Variants in USP28 observed in about 807,000 individuals in gnomAD.
USP28 encodes the protein ubiquitin specific peptidase 28, also known as ubiquitin carboxyl-terminal hydrolase 28.
Under a neutral mutation model 145.0 loss-of-function variants are expected in USP28, and 113 were observed. The ratio of observed to expected loss-of-function variants is 0.78; its 90% CI spans 0.67 to 0.91. The LOEUF (loss-of-function observed/expected upper bound fraction) is 0.91. USP28 is among the 40% of genes least tolerant of loss of function. The pLI is 0.00. For missense variants in USP28, 1,201 were observed against 1,289.6 expected (o/e 0.93, Z 1.05); for synonymous variants, 447 against 450.9 (o/e 0.99, Z 0.11).
At chr11:113,832,108 T>C (rs1379097208) in intron 7 of USP28, 115 bp from the exon 8 acceptor site, 2 of 929,952 alleles carry the variant, frequency 2.2e-6, no homozygotes, top group African/African-American at 1.7e-5. Context: ...ATTTCTTTTT[T>C]TCTTTTCTTT....
intron 1 of USP28, chr11:113,874,423 GAAAAAAAAAAAA>G (rs778295743): frequency 2.2e-4 from 92 of 414,066 alleles, no homozygotes; most frequent in South Asian, 2.9e-4. Context: ...AGACTCTGTC[GAAAAAAAAAAAA>G]AAAAAAAAAA....
intron 5 of USP28, among the ~76,000 whole-genome samples, chr11:113,838,810 C>T (rs938544424): frequency 1.3e-5 from 2 of 152,210 alleles, no homozygotes; most frequent in African/African-American, 4.8e-5. Flanking sequence ...TTGTTTTAGT[C>T]ACTGCTGTTT....
At chr11:113,800,080 A>G (rs1358849271) in intron 24 of USP28, among the ~76,000 whole-genome samples, 1 of 150,870 alleles carries the variant, frequency 6.6e-6, no homozygotes, top group East Asian at 1.9e-4. Flanking sequence ...ATCTTTGCTC[A>G]CTGCAAGCTC....
At chr11:113,831,178 A>C (rs754917697) in intron 8 of USP28, among the ~76,000 whole-genome samples, 3 of 152,234 alleles carry the variant, frequency 2.0e-5, no homozygotes, top group Admixed American at 6.5e-5. Context: ...CCTGGACTTA[A>C]GGAGCTTAAA....
intron 24 of USP28, among the ~76,000 whole-genome samples, chr11:113,800,841 ATT>A (rs537961894): frequency 2.8e-4 from 38 of 134,282 alleles, no homozygotes; most frequent in Admixed American, 4.5e-4. Context: ...ACTCTGCATG[ATT>A]TTTTTTTTTT....
chr11:113,857,021 T>C (rs1416457733), intron 1 of USP28, among the ~76,000 whole-genome samples: 1 of 152,224 alleles, frequency 6.6e-6, no homozygotes, highest in East Asian at 1.9e-4. Flanking sequence ...AGGTAAATAT[T>C]ACATTTGACT....
At chr11:113,830,338 G>C (rs1381367191) in intron 9 of USP28, among the ~76,000 whole-genome samples, 1 of 152,146 alleles carries the variant, frequency 6.6e-6, no homozygotes, top group African/African-American at 2.4e-5. Context: ...TGGTAAGAGT[G>C]GGGTGAGATG....
At chr11:113,813,641 C>A in intron 15 of USP28, 1 of 465,782 alleles carries the variant, frequency 2.1e-6, no homozygotes, top group Non-Finnish European at 3.7e-6. Flanking sequence ...AACCTTTCTA[C>A]AATATGAAAA....
At position 113,831,395 on chromosome 11, in the gene USP28, G is replaced by A. The variant is rs117903938; in HGVS notation, c.834-452C>T. Among the ~76,000 whole-genome samples the A allele has an allele frequency of 7.7e-4, 117 of 152,240 alleles. 1 individual carries two copies. The East Asian group carries it at 0.019, about 24-fold the overall frequency. On this transcript the variant is annotated intron_variant, in intron 8 of 24. Coordinates refer to ENST00000003302, the Ensembl canonical transcript of USP28. ...TTACAAGTCCTTCTTAAATTGCTAC[G>A]TTGAGTTGCCGTTTCCAAAACTATT...
chr11:113,819,969 C>G (rs1942361150), intron 12 of USP28, among the ~76,000 whole-genome samples: 1 of 152,100 alleles, frequency 6.6e-6, no homozygotes, highest in Non-Finnish European at 1.5e-5. Context: ...TCCACCGCGC[C>G]CGGCCAGACT....
Position 113,840,818 on chromosome 11 carries a change from T to C in USP28, c.375-61A>G, listed in dbSNP as rs370828916. 28 of 1,533,308 alleles carry C rather than the reference T, an allele frequency of 1.8e-5. No individual in the cohort carries two copies. In the East Asian group the frequency reaches 5.9e-4, roughly 32 times the overall value. 95.0% of individuals were successfully genotyped at this position (1,533,308 alleles called of 1,614,324 possible). A position where few individuals can be genotyped will look rare whatever the true frequency, so the allele number is the denominator to read the frequency against. ...AATAGTTAAAGAATAATATAGCATA[T>C]GGAGGATGCTATAACTTTTCGTGGA... On this transcript the variant is annotated intron_variant, in intron 4 of 24. Coordinates refer to ENST00000003302, the Ensembl canonical transcript of USP28.
At chr11:113,828,039 A>G (rs541522149) in intron 10 of USP28, among the ~76,000 whole-genome samples, 36 of 152,366 alleles carry the variant, frequency 2.4e-4, no homozygotes, top group African/African-American at 8.2e-4. Context: ...AAGACTCAAC[A>G]GTCAGGGATC....
intron 1 of USP28, among the ~76,000 whole-genome samples, chr11:113,875,122 C>G (rs1461366054): frequency 6.6e-6 from 1 of 152,200 alleles, no homozygotes; most frequent in Non-Finnish European, 1.5e-5. Flanking sequence ...GTTTCTCACC[C>G]CGGACGGGGC....
In USP28 at chr11:113,846,115, T is replaced by G. The variant is rs537297390; in HGVS notation, c.269-4347A>C. Among the ~76,000 whole-genome samples, 87 of 152,340 alleles carry G rather than the reference T, an allele frequency of 5.7e-4. 1 individual carries two copies. The highest frequency in any genetic ancestry group is 5.6e-4 in the Non-Finnish European group (38 of 68,036). On this transcript the variant is annotated intron_variant, in intron 3 of 24. Coordinates refer to ENST00000003302, the Ensembl canonical transcript of USP28. Reference sequence around the variant, plus strand: ...CCACTGCAAAAGGACAAACAGTGTATTTCTACTTATACGAGGTTCTTAGAA... The same window carrying G: ...CCACTGCAAAAGGACAAACAGTGTAGTTCTACTTATACGAGGTTCTTAGAA...
chr11:113,827,242 T>C (rs752593801), exon 11 of USP28: 10 of 1,607,184 alleles, frequency 6.2e-6, no homozygotes, highest in East Asian at 2.2e-5. Context: ...CCTGTCCATA[T>C]AAATAATCTG....
At chr11:113,810,666 C>T (rs1420690276) in intron 16 of USP28, among the ~76,000 whole-genome samples, 1 of 152,166 alleles carries the variant, frequency 6.6e-6, no homozygotes, top group East Asian at 1.9e-4. Context: ...GCTGCCTGGA[C>T]AGAACACCTT....
At chr11:113,847,374 A>C (rs1297874749) in intron 3 of USP28, among the ~76,000 whole-genome samples, 1 of 147,752 alleles carries the variant, frequency 6.8e-6, no homozygotes, top group Non-Finnish European at 1.5e-5. Context: ...TACAATCGCC[A>C]AACTCCAGAA....
rs1048002034 is a variant in USP28, at chr11:113,806,378, C to T, written c.2400+111G>A. The T allele has an allele frequency of 5.9e-6, 5 of 844,420 alleles. No individual in the cohort carries two copies. In the African/African-American group the frequency reaches 8.6e-5, roughly 15 times the overall value. The allele number at this position is 844,420 out of a possible 1,614,324, so 52.3% of individuals were successfully genotyped here. On this transcript the variant is annotated intron_variant, in intron 19 of 24. Transcript: ENST00000003302. ...CTTCCTGAGTAGCTGGGACTACATG[C>T]ACACACCACCACACCCAGCCTTAAC...
chr11:113,823,521 G>A (rs1033609679), intron 12 of USP28, 84 bp downstream of exon 12: 297 of 1,076,932 alleles, frequency 2.8e-4, no homozygotes, highest in Non-Finnish European at 3.1e-4. Flanking sequence ...ATATTTAAAC[G>A]TTGAGTTAAT....
Sources: allele counts gnomAD v4.1 joint callset (sites outside exome capture counted in the v4.1 genomes callset), GRCh38; gene constraint gnomAD v4.1.1; transcripts MANE v1.5; gene names NCBI Gene and HGNC (gene_info 2026-07-23, HGNC 2026-07-21).